Variants in CCDC148 observed in about 807,000 individuals in gnomAD.
CCDC148 encodes the protein coiled-coil domain-containing protein 148.
A neutral mutation model predicts 85.7 loss-of-function variants in CCDC148; 89 were observed. The ratio of observed to expected loss-of-function variants is 1.04; its 90% CI spans 0.87 to 1.24. The LOEUF (loss-of-function observed/expected upper bound fraction) is 1.24. Among genes scored for constraint, CCDC148 ranks in the 50% most tolerant of loss-of-function variants. CCDC148 has a pLI of 0.00. For synonymous variants in CCDC148, 230 were observed against 213.9 expected (o/e 1.08, Z -0.66); for missense variants, 692 against 671.7 (o/e 1.03, Z -0.33).
intron 1 of CCDC148, among the ~76,000 whole-genome samples, chr2:158,386,095 G>A (rs1011260501): frequency 6.6e-6 from 1 of 152,048 alleles, no homozygotes; most frequent in African/African-American, 2.4e-5. Context: ...GCATCCTAGA[G>A]AACAAAGTAT....
chr2:158,279,702 G>A (rs533416594), intron 9 of CCDC148, among the ~76,000 whole-genome samples: 23 of 152,310 alleles, frequency 1.5e-4, no homozygotes, highest in Non-Finnish European at 2.9e-4. Context: ...AAAACACTCT[G>A]CAGGATATTA....
At chr2:158,406,942 A>C (rs1281513355) in intron 1 of CCDC148, among the ~76,000 whole-genome samples, 1 of 151,890 alleles carries the variant, frequency 6.6e-6, no homozygotes, top group Non-Finnish European at 1.5e-5. Context: ...ACATTTCCAC[A>C]AGATAATTAA....
rs554396039 is a variant in CCDC148, at chr2:158,234,847, G to C, written c.1252-14134C>G. 6.6e-5 allele frequency among the ~76,000 whole-genome samples: 10 copies of C among 152,264 alleles called. No homozygotes were observed. The South Asian group carries it at 2.1e-3, about 32-fold the overall frequency. On this transcript the variant is annotated intron_variant, in intron 10 of 13. Transcript: ENST00000283233. ...GTAGAAAAAAGAGTGTAAAGACACT[G>C]TTAATTTTCTTTTGGCAGTGGTTTA...
chr2:158,225,025 G>C (rs62175432), intron 10 of CCDC148, among the ~76,000 whole-genome samples: 54,120 of 151,908 alleles, frequency 0.36, 11,527 homozygotes, highest in South Asian at 0.6. Context: ...GATAAAGAGT[G>C]AAGACCCATC....
intron 1 of CCDC148, among the ~76,000 whole-genome samples, chr2:158,417,835 C>G (rs1206791079): frequency 1.3e-5 from 2 of 152,012 alleles, no homozygotes; most frequent in African/African-American, 4.8e-5. Flanking sequence ...TGTAGATCCC[C>G]CTGAGGCATA....
At chr2:158,356,928 G>T (rs1300480646) in intron 2 of CCDC148, among the ~76,000 whole-genome samples, 1 of 145,708 alleles carries the variant, frequency 6.9e-6, no homozygotes, top group Non-Finnish European at 1.5e-5. Context: ...CATGTCCTTT[G>T]TAGGGACATG....
At chr2:158,436,976 C>A (rs987606719) in intron 1 of CCDC148, among the ~76,000 whole-genome samples, 1 of 152,136 alleles carries the variant, frequency 6.6e-6, no homozygotes, top group African/African-American at 2.4e-5. Context: ...GAAATTGAGG[C>A]AATAATTAAT....
chr2:158,200,729 C>T (rs374384438), intron 11 of CCDC148, among the ~76,000 whole-genome samples: 48 of 152,186 alleles, frequency 3.2e-4, no homozygotes, highest in East Asian at 2.1e-3. Context: ...GTTAAGGTAG[C>T]GATAGTCAGC....
chr2:158,353,934 C>T (rs1683473669), intron 2 of CCDC148, among the ~76,000 whole-genome samples: 1 of 152,146 alleles, frequency 6.6e-6, no homozygotes, highest in Non-Finnish European at 1.5e-5. Context: ...CACTCAAAAC[C>T]ACTCAACTAC....
At chr2:158,401,049 C>A (rs372258848) in intron 1 of CCDC148, among the ~76,000 whole-genome samples, 84 of 152,232 alleles carry the variant, frequency 5.5e-4, no homozygotes, top group African/African-American at 1.9e-3. Flanking sequence ...AGTCAGGAAA[C>A]CACATATGCT....
intron 11 of CCDC148, among the ~76,000 whole-genome samples, chr2:158,200,995 C>T (rs1685925456): frequency 6.6e-6 from 1 of 152,136 alleles, no homozygotes. Context: ...GACCTGGAAT[C>T]AGCCATTTGT....
At chr2:158,424,124 G>A (rs1021410634) in intron 1 of CCDC148, among the ~76,000 whole-genome samples, 1 of 152,190 alleles carries the variant, frequency 6.6e-6, no homozygotes, top group South Asian at 2.1e-4. Flanking sequence ...TGGTGGGACT[G>A]TAAACTAGTT....
chr2:158,193,927 T>A (rs1685542550), intron 11 of CCDC148, among the ~76,000 whole-genome samples: 1 of 135,430 alleles, frequency 7.4e-6, no homozygotes, highest in Non-Finnish European at 1.5e-5. Flanking sequence ...AATGATGAGT[T>A]AATGGGTGCA....
intron 1 of CCDC148, among the ~76,000 whole-genome samples, chr2:158,365,696 A>G (rs1684168012): frequency 6.6e-6 from 1 of 152,144 alleles, no homozygotes; most frequent in Admixed American, 6.5e-5. Flanking sequence ...TAGGAGAAAT[A>G]CCTAATGTAG....
intron 9 of CCDC148, among the ~76,000 whole-genome samples, chr2:158,300,435 G>C (rs1218204156): frequency 1.3e-5 from 2 of 152,138 alleles, no homozygotes; most frequent in Admixed American, 1.3e-4. Context: ...CATAATCACA[G>C]GCGAGCCAGA....
At chr2:158,314,328 A>G (rs1692182452) in intron 7 of CCDC148, among the ~76,000 whole-genome samples, 1 of 152,240 alleles carries the variant, frequency 6.6e-6, no homozygotes, top group Non-Finnish European at 1.5e-5. Flanking sequence ...GCAATTATGT[A>G]ACGGAAAATA....
rs1454363261 is a variant in CCDC148, at chr2:158,376,727, G to A, written c.26-18157C>T. On this transcript the variant is annotated intron_variant, in intron 1 of 13. Coordinates refer to ENST00000283233, the MANE Select transcript of CCDC148 (RefSeq NM_138803.4). ...AGAAACGCAGAGGGAACAAAAAGAG[G>A]AAAAAAAATTTCCTTATTTTCCTAT... 2.0e-5 allele frequency among the ~76,000 whole-genome samples: 3 copies of A among 151,520 alleles called. No homozygotes were observed. In the East Asian group the frequency reaches 5.8e-4, roughly 29 times the overall value.
chr2:158,345,925 C>T (rs939535019), intron 2 of CCDC148, among the ~76,000 whole-genome samples: 1 of 152,140 alleles, frequency 6.6e-6, no homozygotes, highest in Non-Finnish European at 1.5e-5. Flanking sequence ...AGTCTTTCAA[C>T]TCTAAGTGCG....
At chr2:158,256,995 A>G (rs1689039549) in intron 9 of CCDC148, among the ~76,000 whole-genome samples, 2 of 151,784 alleles carry the variant, frequency 1.3e-5, no homozygotes, top group South Asian at 2.1e-4. Flanking sequence ...TAAGGGTTCA[A>G]TAAGTACTTC....
Sources: gnomAD v4.1 joint callset for allele counts (sites outside exome capture counted in the v4.1 genomes callset) on GRCh38, gnomAD v4.1.1 for gene constraint, MANE v1.5 for transcripts, NCBI Gene and HGNC (gene_info 2026-07-23, HGNC 2026-07-21) for gene names.